Variants in NUMB observed in about 807,000 individuals in gnomAD.
NUMB encodes the protein protein numb homolog.
Under a neutral mutation model 59.7 loss-of-function variants are expected in NUMB, and 29 were observed. The ratio of observed to expected loss-of-function variants is 0.49; its 90% CI spans 0.36 to 0.66. The LOEUF (loss-of-function observed/expected upper bound fraction) is 0.66. Ranked by LOEUF, NUMB falls within the 30% of genes least tolerant of loss-of-function variation. The pLI, the probability that NUMB is intolerant of heterozygous loss-of-function variation, is 0.00. For synonymous variants in NUMB, 288 were observed against 288.2 expected, an observed-to-expected ratio of 1.00 and a Z score of 0.01; for missense variants, 723 against 822.0, an observed-to-expected ratio of 0.88 and a Z score of 1.47.
At chr14:73,413,519 A>G (rs1896988717) in intron 1 of NUMB, among the ~76,000 whole-genome samples, 1 of 151,616 alleles carries the variant, frequency 6.6e-6, no homozygotes, top group Non-Finnish European at 1.5e-5. Context: ...GCACTTTGGG[A>G]GGTCGAGACG....
At chr14:73,444,900 G>A (rs113505999) in intron 1 of NUMB, among the ~76,000 whole-genome samples, 252 of 150,738 alleles carry the variant, frequency 1.7e-3, no homozygotes, top group African/African-American at 5.9e-3. Context: ...ATGAATATAT[G>A]GATTTAAGAA....
intron 2 of NUMB, among the ~76,000 whole-genome samples, chr14:73,403,752 T>C (rs1208929406): frequency 6.6e-6 from 1 of 151,732 alleles, no homozygotes; most frequent in East Asian, 1.9e-4. Context: ...GGCCAGGAGT[T>C]TGAGACCAAC....
intron 4 of NUMB, among the ~76,000 whole-genome samples, chr14:73,349,517 T>C (rs1893091002): frequency 6.9e-6 from 1 of 144,928 alleles, no homozygotes; most frequent in Non-Finnish European, 1.5e-5. Flanking sequence ...GAGGCTGCAG[T>C]GAGCCGAGAT....
At chr14:73,415,210 T>C (rs1897075963) in intron 1 of NUMB, among the ~76,000 whole-genome samples, 1 of 152,184 alleles carries the variant, frequency 6.6e-6, no homozygotes, top group Admixed American at 6.6e-5. Flanking sequence ...CATGTTCTGC[T>C]TTCAGTTTTA....
At chr14:73,434,394 T>C (rs1897961377) in intron 1 of NUMB, among the ~76,000 whole-genome samples, 1 of 152,210 alleles carries the variant, frequency 6.6e-6, no homozygotes, top group Non-Finnish European at 1.5e-5. Flanking sequence ...GTAAAGCACT[T>C]AGAACGCTTC....
chr14:73,427,777 A>G (rs1411027415), intron 1 of NUMB, among the ~76,000 whole-genome samples: 1 of 152,208 alleles, frequency 6.6e-6, no homozygotes, highest in South Asian at 2.1e-4. Flanking sequence ...CTCGGTATTT[A>G]TAAGATAAAC....
At chr14:73,435,745 G>T (rs571126899) in intron 1 of NUMB, among the ~76,000 whole-genome samples, 1 of 151,590 alleles carries the variant, frequency 6.6e-6, no homozygotes, top group African/African-American at 2.4e-5. Flanking sequence ...AGTGGCTCAC[G>T]CCTGTAATCC....
chr14:73,389,276 A>C (rs1445167663), intron 2 of NUMB, among the ~76,000 whole-genome samples: 1 of 86,706 alleles, frequency 1.2e-5, no homozygotes, highest in Non-Finnish European at 2.0e-5. Context: ...ATCTCTCAAA[A>C]AAAAAAAAAA....
In NUMB at chr14:73,276,972, G is replaced by A. The variant is rs919863239; in HGVS notation, c.1562C>T (p.Ala521Val). 1 of 1,614,152 alleles carries A rather than the reference G, an allele frequency of 6.2e-7. No individual in the cohort carries two copies. The highest frequency in any genetic ancestry group is 1.3e-5 in the African/African-American group (1 of 75,054). The change falls in exon 13 of 13, where the codon GCC (alanine) becomes GTC (valine). Residue 521 changes from alanine (A) to valine (V), a missense_variant. By Grantham distance (64) the Ala-to-Val change is moderately conservative. Transcript: ENST00000555238. ...GATGCCCACCACAGGCACATTAGGG[G>A]CTGGATAGGGCATTCCATTGGCCAC... Reference protein sequence around the residue: ...YPVANGMPYPAPNVPVVGITP... With the variant: ...YPVANGMPYPVPNVPVVGITP...
chr14:73,394,812 G>C (rs979271552), intron 2 of NUMB, among the ~76,000 whole-genome samples: 2 of 150,994 alleles, frequency 1.3e-5, no homozygotes, highest in African/African-American at 4.9e-5. Context: ...TTTTGCTTAT[G>C]CATTTCTTCA....
chr14:73,282,564 C>T (rs1251540009), intron 10 of NUMB, 59 bp from the exon 11 acceptor site: 4 of 1,564,342 alleles, frequency 2.6e-6, no homozygotes, highest in African/African-American at 1.3e-5. Context: ...TGAAATTTGA[C>T]AGTATGATGC....
intron 4 of NUMB, among the ~76,000 whole-genome samples, chr14:73,334,724 C>A (rs1176757604): frequency 6.6e-6 from 1 of 152,018 alleles, no homozygotes; most frequent in Admixed American, 6.6e-5. Context: ...CAAGGTGGAT[C>A]ACCTGAAGTC....
intron 3 of NUMB, among the ~76,000 whole-genome samples, chr14:73,357,623 C>T (rs1366525932): frequency 2.6e-5 from 4 of 151,484 alleles, no homozygotes; most frequent in African/African-American, 9.7e-5. Flanking sequence ...ATTAGTTGGG[C>T]GTGGTGGCAC....
intron 1 of NUMB, among the ~76,000 whole-genome samples, chr14:73,438,122 T>C (rs1448380277): frequency 6.6e-6 from 1 of 152,202 alleles, no homozygotes; most frequent in Non-Finnish European, 1.5e-5. Flanking sequence ...AATGTTTTGC[T>C]CTCCTGAGAG....
chr14:73,369,910 C>G (rs893477956), intron 2 of NUMB, among the ~76,000 whole-genome samples: 2 of 152,202 alleles, frequency 1.3e-5, no homozygotes, highest in African/African-American at 2.4e-5. Flanking sequence ...AAAGATACCA[C>G]TATCTTAATT....
chr14:73,339,369 C>G, intron 4 of NUMB, among the ~76,000 whole-genome samples: 1 of 152,110 alleles, frequency 6.6e-6, no homozygotes, highest in East Asian at 1.9e-4. Flanking sequence ...AACACACTGG[C>G]CTCCTTGCTG....
intron 4 of NUMB, among the ~76,000 whole-genome samples, chr14:73,352,108 T>TC (rs1893326425): frequency 6.6e-6 from 1 of 151,996 alleles, no homozygotes; most frequent in Non-Finnish European, 1.5e-5. Flanking sequence ...ACGTACAAAA[T>TC]CCTTAGTATG....
intron 3 of NUMB, among the ~76,000 whole-genome samples, chr14:73,360,371 C>G (rs1204470582): frequency 6.6e-6 from 1 of 152,204 alleles, no homozygotes; most frequent in Non-Finnish European, 1.5e-5. Flanking sequence ...GCCTGGCCAA[C>G]AGGGTGAAAC....
intron 4 of NUMB, among the ~76,000 whole-genome samples, chr14:73,344,218 A>G (rs899942320): frequency 6.6e-6 from 1 of 152,152 alleles, no homozygotes; most frequent in African/African-American, 2.4e-5. Flanking sequence ...GATAAATTAT[A>G]TTCAGCTACT....
Sources: gnomAD v4.1 joint callset for allele counts (sites outside exome capture counted in the v4.1 genomes callset) on GRCh38, gnomAD v4.1.1 for gene constraint, MANE v1.5 for transcripts, NCBI Gene and HGNC (gene_info 2026-07-23, HGNC 2026-07-21) for gene names.